Variants in KRT8 observed in about 807,000 individuals in gnomAD.
KRT8 encodes keratin, type II cytoskeletal 8.
In KRT8, 24 loss-of-function variants were observed where a neutral mutation model predicts 43.0. That is an observed-to-expected ratio of 0.56 (90% CI 0.40 to 0.78). The LOEUF (loss-of-function observed/expected upper bound fraction) is 0.78, where lower values mean the gene tolerates loss of function less well. Among genes scored for constraint, KRT8 ranks in the 30% least tolerant of loss-of-function variants. The probability of loss-of-function intolerance (pLI) is 0.00; values close to 1 mark genes in which losing one functional copy is unlikely to be tolerated. For missense variants in KRT8, 492 were observed against 638.4 expected (o/e 0.77, Z 2.47); for synonymous variants, 214 against 261.2 (o/e 0.82, Z 1.74).
At chr12:52,910,873 G>A (rs1941623270), upstream of KRT8, among the ~76,000 whole-genome samples, 1 of 152,252 alleles carries the variant, frequency 6.6e-6, no homozygotes. Context: ...TAAGGTGGGA[G>A]TTGGGGACAG....
Position 52,898,371 on chromosome 12 carries a change from T to C in KRT8, c.1261+90A>G, listed in dbSNP as rs139474983. The C allele has an allele frequency of 1.3e-5, 14 of 1,107,770 alleles. No individual in the cohort carries two copies. The African/African-American group carries it at 1.4e-4, about 11-fold the overall frequency. 68.6% of individuals were successfully genotyped at this position (1,107,770 alleles called of 1,614,324 possible). ...ACATGAGTGCTCAGGCTGAGGTCAC[T>C]GTGAGCGACTGAGCACAGCCCCCTC... On this transcript the variant is annotated intron_variant, in intron 7 of 7. Coordinates refer to ENST00000692008, the Ensembl canonical transcript of KRT8.
At chr12:52,922,360 C>A (rs2120665442) in intron 2 of KRT8, among the ~76,000 whole-genome samples, 1 of 152,168 alleles carries the variant, frequency 6.6e-6, no homozygotes, top group East Asian at 1.9e-4. Flanking sequence ...TTTATAACTG[C>A]ATTTATTCCT....
chr12:52,927,954 C>T (rs909952458), intron 2 of KRT8, among the ~76,000 whole-genome samples: 2 of 152,144 alleles, frequency 1.3e-5, no homozygotes, highest in African/African-American at 4.8e-5. Flanking sequence ...TGGCAGGCAC[C>T]TGTAATCAAG....
chr12:52,927,293 C>T (rs897320267), intron 2 of KRT8, among the ~76,000 whole-genome samples: 2 of 152,138 alleles, frequency 1.3e-5, no homozygotes, highest in East Asian at 3.9e-4. Context: ...ATAGGTGGGC[C>T]CAAGGGAGCA....
intron 2 of KRT8, among the ~76,000 whole-genome samples, chr12:52,913,762 G>A (rs553255048): frequency 2.2e-4 from 33 of 152,300 alleles, no homozygotes; most frequent in Admixed American, 5.9e-4. Flanking sequence ...TGTACCACCC[G>A]TCAGAGTCCC....
In KRT8 at chr12:52,937,132, A is replaced by C. The variant is rs1416288562; in HGVS notation, c.-47+12324T>G. On this transcript the variant is annotated intron_variant, in intron 2 of 6. Coordinates refer to the KRT8 transcript ENST00000546826. ...ACACCTGTAATCGTAGCACTTTGGG[A>C]GGCTGAGGCGGGTGGACTGCCTGAG... is the stretch of plus-strand genomic sequence containing the variant. Among the ~76,000 whole-genome samples the C allele has an allele frequency of 3.9e-5, 6 of 152,046 alleles. No individual in the cohort carries two copies. In the South Asian group the frequency reaches 1.2e-3, roughly 32 times the overall value.
At chr12:52,906,318 C>T (rs921787780), upstream of KRT8, among the ~76,000 whole-genome samples, 2 of 152,094 alleles carry the variant, frequency 1.3e-5, no homozygotes, top group Non-Finnish European at 2.9e-5. Context: ...GGAGTCACTC[C>T]CATTGCTCCC....
At chr12:52,904,790 G>A (rs377486105) in exon 1 of KRT8, 2 of 1,612,358 alleles carry the variant, frequency 1.2e-6, no homozygotes, top group Non-Finnish European at 1.7e-6. Context: ...CCGTAACTGC[G>A]GTGATGCCTC....
At chr12:52,933,107 C>G (rs918016965) in intron 2 of KRT8, among the ~76,000 whole-genome samples, 10 of 152,066 alleles carry the variant, frequency 6.6e-5, no homozygotes, top group South Asian at 2.1e-4. Flanking sequence ...CCACGCCCAG[C>G]TAATTTTTTT....
At chr12:52,949,283 C>G (rs1319072747) in intron 2 of KRT8, 2 of 1,610,672 alleles carry the variant, frequency 1.2e-6, no homozygotes. Context: ...AGCGTCTATG[C>G]AGGCGCTGGG....
At chr12:52,911,406 G>C (rs1030745280), upstream of KRT8, among the ~76,000 whole-genome samples, 8 of 152,134 alleles carry the variant, frequency 5.3e-5, 1 homozygote. Flanking sequence ...TCAGCATATT[G>C]ATGGCTGACT....
chr12:52,901,099 GGTCTGA>G (rs1311800830), intron 3 of KRT8, 54 bp downstream of exon 3: 24 of 1,202,842 alleles, frequency 2.0e-5, no homozygotes, highest in Non-Finnish European at 3.0e-5. Context: ...AAAGCTTCTT[GGTCTGA>G]GTCTCTGAGC....
chr12:52,901,114 GC>G, intron 3 of KRT8, 44 bp downstream of exon 3: 2 of 1,385,780 alleles, frequency 1.4e-6, no homozygotes, highest in Non-Finnish European at 2.1e-6. Context: ...GAGTCTCTGA[GC>G]CCCAGCCTCC....
chr12:52,942,214 C>G (rs917886059), intron 2 of KRT8, among the ~76,000 whole-genome samples: 2 of 152,180 alleles, frequency 1.3e-5, no homozygotes, highest in African/African-American at 4.8e-5. Flanking sequence ...AGCACCTGCT[C>G]CGCCCCAGGC....
At chr12:52,922,053 C>T (rs1206932235) in intron 2 of KRT8, among the ~76,000 whole-genome samples, 1 of 151,752 alleles carries the variant, frequency 6.6e-6, no homozygotes. Context: ...GAGTGGTGCA[C>T]ACCTGTATTT....
chr12:52,948,937 G>A, intron 2 of KRT8: 1 of 436,406 alleles, frequency 2.3e-6, no homozygotes, highest in Non-Finnish European at 3.9e-6. Context: ...CGTTTCTGGG[G>A]GGTGAGCGGG....
intron 2 of KRT8, among the ~76,000 whole-genome samples, chr12:52,935,207 C>G (rs1459340468): frequency 6.6e-6 from 1 of 150,974 alleles, no homozygotes; most frequent in Non-Finnish European, 1.5e-5. Context: ...ACGGCAAAAC[C>G]CTGTCTCTAC....
chr12:52,902,129 G>A, intron 1 of KRT8, 57 bp from the exon 2 acceptor site: 1 of 1,141,928 alleles, frequency 8.8e-7, no homozygotes. Flanking sequence ...TCAAAGTCTG[G>A]AGGAAAGCAA....
chr12:52,918,205 C>CAAGAAGAAGAAGAAGAAGAAG (rs371624304), intron 2 of KRT8, among the ~76,000 whole-genome samples: 20 of 116,668 alleles, frequency 1.7e-4, no homozygotes, highest in Admixed American at 7.1e-4. Context: ...AGAAGAAGAA[C>CAAGAAGAAGAAGAAGAAGAAG]AAGAAGAAGA....
Sources: allele counts gnomAD v4.1 joint callset (sites outside exome capture counted in the v4.1 genomes callset), GRCh38; gene constraint gnomAD v4.1.1; transcripts MANE v1.5; gene names NCBI Gene and HGNC (gene_info 2026-07-23, HGNC 2026-07-21).